Variants in TMOD3 observed in about 807,000 individuals in gnomAD.
TMOD3 encodes tropomodulin 3, also known as tropomodulin-3.
Under a neutral mutation model 39.2 loss-of-function variants are expected in TMOD3, and 20 were observed. The observed-to-expected ratio is 0.51, with a 90% confidence interval of 0.36 to 0.74. TMOD3 has a LOEUF of 0.74. Among genes scored for constraint, TMOD3 ranks in the 30% least tolerant of loss-of-function variants. The probability of loss-of-function intolerance (pLI) is 0.00; values close to 1 mark genes in which losing one functional copy is unlikely to be tolerated. For missense variants in TMOD3, 381 were observed against 412.8 expected (o/e 0.92, Z 0.67); for synonymous variants, 143 against 145.8 (o/e 0.98, Z 0.14).
chr15:51,888,734 C>T (rs1010439038), intron 4 of TMOD3, among the ~76,000 whole-genome samples: 5 of 151,952 alleles, frequency 3.3e-5, no homozygotes, highest in East Asian at 1.9e-4. Flanking sequence ...AATTAATGAA[C>T]GGCAAAAATA....
intron 1 of TMOD3, among the ~76,000 whole-genome samples, chr15:51,836,288 C>G (rs1050662375): frequency 6.6e-6 from 1 of 152,130 alleles, no homozygotes; most frequent in Non-Finnish European, 1.5e-5. Flanking sequence ...GCAGTTACTA[C>G]CTAATTCCTC....
At chr15:51,861,748 C>G (rs1163983866) in intron 1 of TMOD3, among the ~76,000 whole-genome samples, 2 of 151,382 alleles carry the variant, frequency 1.3e-5, no homozygotes, top group South Asian at 2.1e-4. Flanking sequence ...ACCTCTGCCT[C>G]CTGGGCTGAA....
intron 1 of TMOD3, among the ~76,000 whole-genome samples, chr15:51,845,933 A>G (rs1337449527): frequency 6.6e-6 from 1 of 152,162 alleles, no homozygotes; most frequent in Non-Finnish European, 1.5e-5. Context: ...TCTAGCAAAG[A>G]AAGGGAGCTT....
chr15:51,891,299 C>T (rs924648104), intron 5 of TMOD3, among the ~76,000 whole-genome samples: 8 of 112,816 alleles, frequency 7.1e-5, no homozygotes, highest in Admixed American at 9.5e-5. Flanking sequence ...GTTTATTTTT[C>T]GTAGAATTTT....
chr15:51,908,727 T>G, intron 9 of TMOD3, 49 bp from the exon 10 acceptor site: 1 of 1,517,118 alleles, frequency 6.6e-7, no homozygotes, highest in Non-Finnish European at 8.9e-7. Flanking sequence ...GTTACCATTG[T>G]AAAAACTAAT....
chr15:51,891,206 C>A (rs959494733), intron 5 of TMOD3, among the ~76,000 whole-genome samples: 2 of 150,728 alleles, frequency 1.3e-5, no homozygotes, highest in African/African-American at 4.9e-5. Flanking sequence ...TTTTAGTCTC[C>A]CTTAATTTCT....
chr15:51,848,359 A>C (rs2056346008), intron 1 of TMOD3, among the ~76,000 whole-genome samples: 1 of 152,200 alleles, frequency 6.6e-6, no homozygotes, highest in African/African-American at 2.4e-5. Flanking sequence ...ACTCAGCCTC[A>C]ACAATCCCAA....
intron 1 of TMOD3, among the ~76,000 whole-genome samples, chr15:51,830,105 G>T (rs1044061577): frequency 1.7e-4 from 26 of 152,120 alleles, no homozygotes; most frequent in African/African-American, 5.6e-4. Context: ...CGCGGCCCGG[G>T]CGCCCGGGTT....
At chr15:51,867,430 A>T (rs1001505590) in intron 2 of TMOD3, among the ~76,000 whole-genome samples, 1 of 152,218 alleles carries the variant, frequency 6.6e-6, no homozygotes, top group African/African-American at 2.4e-5. Flanking sequence ...TTACAGAAAC[A>T]TACTTGGTAC....
intron 1 of TMOD3, chr15:51,860,212 T>C: frequency 2.1e-6 from 1 of 481,894 alleles, no homozygotes; most frequent in South Asian, 1.6e-5. Flanking sequence ...TCATCATAAA[T>C]TTCTATTTGT....
intron 2 of TMOD3, among the ~76,000 whole-genome samples, chr15:51,866,327 G>A (rs947686736): frequency 3.9e-5 from 6 of 152,056 alleles, no homozygotes; most frequent in African/African-American, 1.4e-4. Flanking sequence ...GCATGGTGGT[G>A]CACACCTGTA....
At chr15:51,856,750 A>G (rs1408131094) in intron 1 of TMOD3, among the ~76,000 whole-genome samples, 1 of 152,226 alleles carries the variant, frequency 6.6e-6, no homozygotes, top group African/African-American at 2.4e-5. Flanking sequence ...ATGGCCAAAA[A>G]TAAATACTCT....
At chr15:51,864,605 A>C (rs1416225639) in intron 2 of TMOD3, among the ~76,000 whole-genome samples, 1 of 152,328 alleles carries the variant, frequency 6.6e-6, no homozygotes. Flanking sequence ...TCAGGAGGCA[A>C]AAGGATCAAG....
chr15:51,839,203 ACT>A (rs926344568), intron 1 of TMOD3, among the ~76,000 whole-genome samples: 1 of 101,324 alleles, frequency 9.9e-6, no homozygotes, highest in Non-Finnish European at 2.2e-5. Context: ...ACTGGGTCTC[ACT>A]CTGTTGCCTA....
chr15:51,878,565 CTT>C (rs2056517382), intron 3 of TMOD3, among the ~76,000 whole-genome samples: 2 of 152,122 alleles, frequency 1.3e-5, no homozygotes, highest in South Asian at 2.1e-4. Flanking sequence ...TGAAGGATCT[CTT>C]GTTTTGTTTT....
chr15:51,840,834 GT>G (rs1268310576), intron 1 of TMOD3, among the ~76,000 whole-genome samples: 6 of 152,178 alleles, frequency 3.9e-5, no homozygotes, highest in Non-Finnish European at 8.8e-5. Context: ...ACACTTTTGT[GT>G]TTTGGTTACT....
At chr15:51,889,679 T>G (rs776891381) in intron 5 of TMOD3, among the ~76,000 whole-genome samples, 210 of 152,120 alleles carry the variant, frequency 1.4e-3, no homozygotes, top group Non-Finnish European at 1.7e-3. Flanking sequence ...GGACCAGCAT[T>G]GGAAACGTAG....
In TMOD3 at chr15:51,849,036, C is replaced by T. The variant is rs550175510; in HGVS notation, c.-74-13775C>T. Among the ~76,000 whole-genome samples the T allele has an allele frequency of 6.6e-5, 10 of 152,190 alleles. No homozygotes were observed. In the East Asian group the frequency reaches 1.2e-3, roughly 18 times the overall value. ...GAGTATGTTCCCGATCAGCTTCTTT[C>T]GGAAGTTGGGAAGCTATTGCAATAG... On this transcript the variant is annotated intron_variant, in intron 1 of 9. Transcript: ENST00000308580.
At chr15:51,870,456 C>T (rs1317357649) in intron 3 of TMOD3, among the ~76,000 whole-genome samples, 1 of 152,138 alleles carries the variant, frequency 6.6e-6, no homozygotes, top group Non-Finnish European at 1.5e-5. Flanking sequence ...TGTCTGAATT[C>T]ATATTAGTCC....
Sources: gnomAD v4.1 joint callset for allele counts (sites outside exome capture counted in the v4.1 genomes callset) on GRCh38, gnomAD v4.1.1 for gene constraint, MANE v1.5 for transcripts, NCBI Gene and HGNC (gene_info 2026-07-23, HGNC 2026-07-21) for gene names.